Variants in PPHLN1 observed in about 807,000 individuals in gnomAD.
PPHLN1 encodes periphilin-1.
Under a neutral mutation model 51.3 loss-of-function variants are expected in PPHLN1, and 29 were observed. The observed-to-expected ratio is 0.57, with a 90% confidence interval of 0.42 to 0.77. The LOEUF is 0.77. Among genes scored for constraint, PPHLN1 ranks in the 30% least tolerant of loss-of-function variants. PPHLN1 has a pLI of 0.00. For missense variants in PPHLN1, 436 were observed against 438.4 expected (o/e 0.99, Z 0.05); for synonymous variants, 147 against 147.8 (o/e 0.99, Z 0.04).
At position 42,399,243 on chromosome 12, in the gene PPHLN1, A is replaced by G. The variant is rs73124403; in HGVS notation, c.909+249A>G. On this transcript the variant is annotated intron_variant, in intron 9 of 9. Coordinates refer to ENST00000358314, the MANE Select transcript of PPHLN1 (RefSeq NM_201439.2). The stretch of plus-strand genomic sequence containing the variant: ...ACAGAATATTAATATTCTAGTTAGT[A>G]TGAAGCAATTAAAAATTATTAAAGT... 8.4e-3 allele frequency: 8,757 copies of G among 1,046,696 alleles called. 60 individuals are homozygous for G. The highest frequency in any genetic ancestry group is 0.025 in the Middle Eastern group (62 of 2,482). 64.8% of individuals were successfully genotyped at this position (1,046,696 alleles called of 1,614,324 possible).
chr12:42,340,326 A>G (rs1013919274), intron 2 of PPHLN1, among the ~76,000 whole-genome samples: 9 of 151,086 alleles, frequency 6.0e-5, no homozygotes, highest in African/African-American at 2.2e-4. Context: ...AAAAAAAAAA[A>G]AAAGATTTAA....
chr12:42,411,457 T>A (rs1037900316), intron 9 of PPHLN1, among the ~76,000 whole-genome samples: 9 of 133,918 alleles, frequency 6.7e-5, no homozygotes, highest in African/African-American at 2.5e-4. Context: ...TTCTGTTACT[T>A]CCTGAGACCA....
intron 5 of PPHLN1, among the ~76,000 whole-genome samples, chr12:42,382,725 C>T (rs1219056994): frequency 1.3e-5 from 2 of 151,838 alleles, no homozygotes; most frequent in Admixed American, 6.6e-5. Flanking sequence ...CCAACAAAAA[C>T]GAAAGAGGAA....
Position 42,393,618 on chromosome 12 carries a change from G to A in PPHLN1, c.697G>A (p.Ala233Thr), listed in dbSNP as rs1202719019. 6.2e-7 allele frequency: 1 copy of A among 1,610,378 alleles called. No individual in the cohort carries two copies. Among genetic ancestry groups the A allele is most frequent in the Non-Finnish European group, 8.5e-7 (1 of 1,178,310 alleles). ...RLTEKELAEA[A>T]SKWAAEKLEK... ...AACTGAAAAGGAACTTGCTGAGGCT[G>A]CAAGCAAGTGGGCTGCTGAAAAGCT... Residue 233 changes from alanine (A) to threonine (T), a missense_variant, in exon 8 of 10, where the codon GCA (alanine) becomes ACA (threonine). Coordinates refer to ENST00000358314, the MANE Select transcript of PPHLN1 (RefSeq NM_201439.2).
intron 5 of PPHLN1, among the ~76,000 whole-genome samples, chr12:42,383,257 G>A (rs561098668): frequency 6.6e-6 from 1 of 152,286 alleles, no homozygotes; most frequent in African/African-American, 2.4e-5. Context: ...GATATCTGTG[G>A]AGTGTAGATT....
At chr12:42,379,808 A>G (rs955242811) in intron 5 of PPHLN1, among the ~76,000 whole-genome samples, 4 of 152,192 alleles carry the variant, frequency 2.6e-5, no homozygotes, top group East Asian at 1.9e-4. Context: ...GATTCTGTAT[A>G]TTAGCACCTG....
At chr12:42,423,233 C>T (rs1251879981) in intron 9 of PPHLN1, among the ~76,000 whole-genome samples, 1 of 152,078 alleles carries the variant, frequency 6.6e-6, no homozygotes, top group Non-Finnish European at 1.5e-5. Context: ...TATCTACAGA[C>T]AGATCTTGAA....
chr12:42,446,516 T>C (rs1450401428), downstream of PPHLN1: 11 of 1,551,656 alleles, frequency 7.1e-6, no homozygotes, highest in East Asian at 1.9e-4. Flanking sequence ...CCCCCACTCC[T>C]GGGGGTCGCT....
intron 1 of PPHLN1, among the ~76,000 whole-genome samples, chr12:42,327,084 A>G (rs528663370): frequency 1.3e-5 from 2 of 152,278 alleles, no homozygotes; most frequent in African/African-American, 2.4e-5. Context: ...CAAACTTACC[A>G]TGCTTTACAT....
downstream of PPHLN1, chr12:42,446,982 C>G (rs2140060697): frequency 4.8e-6 from 1 of 210,148 alleles, no homozygotes; most frequent in East Asian, 1.0e-4. Flanking sequence ...GGCTTCAGGC[C>G]TTTGGTATTC....
chr12:42,376,881 A>T (rs2076312475), intron 5 of PPHLN1, among the ~76,000 whole-genome samples: 1 of 152,184 alleles, frequency 6.6e-6, no homozygotes, highest in South Asian at 2.1e-4. Context: ...TGGGTAACTG[A>T]AAGTTTTATT....
At chr12:42,407,850 T>C (rs1669899) in intron 9 of PPHLN1, among the ~76,000 whole-genome samples, 46,088 of 152,056 alleles carry the variant, frequency 0.3, 7,894 homozygotes, top group Non-Finnish European at 0.38. Flanking sequence ...AAAAATTCAG[T>C]ACATGTTCAG....
Position 42,441,337 on chromosome 12 carries a change from C to T in PPHLN1, c.932C>T (p.Thr311Ile). 1 of 1,612,440 alleles carries T rather than the reference C, an allele frequency of 6.2e-7. No individual in the cohort carries two copies. Among genetic ancestry groups the T allele is most frequent in the East Asian group, 2.2e-5 (1 of 44,852 alleles). The change falls in exon 10 of 10, where the codon ACT becomes ATT. Residue 311 changes from threonine (T) to isoleucine (I), a missense_variant. By Grantham distance (89) the Thr-to-Ile change is moderately conservative (BLOSUM62 -1). Transcript: ENST00000358314. Reference protein sequence around the residue: ...IEQVYRQDCETFGMVVKMLIE... With the variant: ...IEQVYRQDCEIFGMVVKMLIE... ...TAGGTTTACCGACAAGACTGTGAAACTTTCGGGATGGTGGTGAAAATGCTG... is the reference window on the plus strand; with the variant it reads ...TAGGTTTACCGACAAGACTGTGAAATTTTCGGGATGGTGGTGAAAATGCTG...
intron 9 of PPHLN1, 136 bp from the exon 10 acceptor site, chr12:42,441,179 A>G (rs2082919890): frequency 2.4e-6 from 3 of 1,237,810 alleles, no homozygotes; most frequent in Non-Finnish European, 3.2e-6. Flanking sequence ...TGACAATGCA[A>G]GGGCGAGAAA....
chr12:42,429,037 A>G (rs906300896), intron 9 of PPHLN1, among the ~76,000 whole-genome samples: 2 of 152,084 alleles, frequency 1.3e-5, no homozygotes, highest in African/African-American at 2.4e-5. Flanking sequence ...AAATTTTATC[A>G]TATTGCACAA....
At chr12:42,437,495 T>G (rs1448661533) in intron 9 of PPHLN1, among the ~76,000 whole-genome samples, 1 of 152,214 alleles carries the variant, frequency 6.6e-6, no homozygotes, top group Non-Finnish European at 1.5e-5. Flanking sequence ...TTTTCACTTT[T>G]GTGTGATTAT....
intron 9 of PPHLN1, among the ~76,000 whole-genome samples, chr12:42,432,657 G>T (rs180772091): frequency 6.6e-6 from 1 of 152,144 alleles, no homozygotes; most frequent in African/African-American, 2.4e-5. Flanking sequence ...AAATGTTCCA[G>T]TGTCTTCATC....
chr12:42,427,714 C>T (rs186988505), intron 9 of PPHLN1, among the ~76,000 whole-genome samples: 107 of 152,200 alleles, frequency 7.0e-4, no homozygotes, highest in Middle Eastern at 3.4e-3. Context: ...GATTTCATGA[C>T]CAAGAACCCA....
intron 5 of PPHLN1, among the ~76,000 whole-genome samples, chr12:42,384,738 A>AT (rs1222411082): frequency 6.6e-6 from 1 of 151,650 alleles, no homozygotes; most frequent in Non-Finnish European, 1.5e-5. Context: ...TTAAATGGAG[A>AT]TTTTTTTCTC....
Sources: gnomAD v4.1 joint callset for allele counts (sites outside exome capture counted in the v4.1 genomes callset) on GRCh38, gnomAD v4.1.1 for gene constraint, MANE v1.5 for transcripts, NCBI Gene and HGNC (gene_info 2026-07-23, HGNC 2026-07-21) for gene names.